The following IFT43 variants were observed in gnomAD, a reference collection of about 807,000 sequenced individuals.
IFT43 encodes the protein intraflagellar transport 43, also known as intraflagellar transport protein 43 homolog.
A neutral mutation model predicts 32.3 loss-of-function variants in IFT43; 33 were observed. The observed-to-expected ratio is 1.02, with a 90% confidence interval of 0.77 to 1.37. IFT43 has a LOEUF of 1.37. IFT43 is among the 40% of genes most tolerant of loss of function. The pLI, the probability that IFT43 is intolerant of heterozygous loss-of-function variation, is 0.00. For synonymous variants in IFT43, 93 were observed against 98.2 expected (o/e 0.95, Z 0.31); for missense variants, 274 against 265.9 (o/e 1.03, Z -0.21).
rs375656703 is a variant in IFT43 at position 76,069,742 on chromosome 14, G to A, written c.295+10369G>A. Among the ~76,000 whole-genome samples, 180 of 152,194 alleles carry A rather than the reference G, an allele frequency of 1.2e-3. 4 individuals carry two copies. In the South Asian group the frequency reaches 0.035, roughly 30 times the overall value. On this transcript the variant is annotated intron_variant, in intron 5 of 8. Transcript: ENST00000314067. Reference sequence around the variant, plus strand: ...AAAAGTAGAAAGTCTCTGAAAACAGGAGCCCAAAAAAAGGACTCAGTCTTG... The same window carrying A: ...AAAAGTAGAAAGTCTCTGAAAACAGAAGCCCAAAAAAAGGACTCAGTCTTG...
chr14:76,054,330 C>T (rs1217249334), intron 3 of IFT43, among the ~76,000 whole-genome samples: 8 of 152,150 alleles, frequency 5.3e-5, no homozygotes, highest in African/African-American at 1.4e-4. Context: ...AAGAAGGGAC[C>T]GTCTACACAG....
intron 2 of IFT43, among the ~76,000 whole-genome samples, chr14:75,996,348 G>C (rs575332298): frequency 2.6e-5 from 4 of 152,338 alleles, no homozygotes; most frequent in Admixed American, 6.5e-5. Flanking sequence ...CTGTTGAATG[G>C]AGATGATAGT....
chr14:76,044,801 A>T (rs1344684675), intron 3 of IFT43, among the ~76,000 whole-genome samples: 2 of 152,204 alleles, frequency 1.3e-5, no homozygotes, highest in African/African-American at 4.8e-5. Flanking sequence ...CACTTATAGG[A>T]GGATTTTCTT....
chr14:76,076,555 T>C, intron 5 of IFT43: 3 of 1,612,748 alleles, frequency 1.9e-6, no homozygotes, highest in Non-Finnish European at 2.5e-6. Context: ...GGTATACTCA[T>C]TGCAAGCTGA....
intron 3 of IFT43, among the ~76,000 whole-genome samples, chr14:76,045,921 G>A (rs1938400211): frequency 6.6e-6 from 1 of 152,214 alleles, no homozygotes; most frequent in South Asian, 2.1e-4. Context: ...ACGACTTTGG[G>A]TGGATGCCAA....
intron 2 of IFT43, among the ~76,000 whole-genome samples, chr14:75,999,243 ATATATATATATATATATATATAT>A (rs2035810468): frequency 4.0e-5 from 1 of 25,300 alleles, no homozygotes; most frequent in Non-Finnish European, 5.8e-5. Context: ...ATATATATAT[ATATATATATATATATATATATAT>A]ATATATGTAT....
At chr14:76,071,609 C>T (rs754192800) in intron 5 of IFT43, among the ~76,000 whole-genome samples, 3 of 152,164 alleles carry the variant, frequency 2.0e-5, no homozygotes, top group Non-Finnish European at 4.4e-5. Context: ...CACCATCACA[C>T]GGTCTTTACT....
intron 3 of IFT43, among the ~76,000 whole-genome samples, chr14:76,025,748 G>A (rs2036379934): frequency 6.6e-6 from 1 of 152,148 alleles, no homozygotes; most frequent in African/African-American, 2.4e-5. Context: ...CTAGTCATAA[G>A]CAGAAGATTG....
At chr14:76,074,882 C>T (rs1203573593) in intron 5 of IFT43, among the ~76,000 whole-genome samples, 3 of 152,218 alleles carry the variant, frequency 2.0e-5, no homozygotes, top group Non-Finnish European at 4.4e-5. Context: ...CCTCCCCAAC[C>T]CATTGTCAGC....
intron 4 of IFT43, 104 bp from the exon 5 acceptor site, chr14:76,059,223 C>T: frequency 6.2e-7 from 1 of 1,607,966 alleles, no homozygotes; most frequent in South Asian, 1.1e-5. Context: ...GGTTCAGGGA[C>T]ATTTTCATCT....
intron 2 of IFT43, among the ~76,000 whole-genome samples, chr14:76,021,744 G>T (rs1200097776): frequency 6.6e-6 from 1 of 152,134 alleles, no homozygotes; most frequent in Non-Finnish European, 1.5e-5. Context: ...GATTAGAATT[G>T]CTAGGTTAAA....
At chr14:76,047,252 C>T (rs923984161) in intron 3 of IFT43, among the ~76,000 whole-genome samples, 1 of 152,116 alleles carries the variant, frequency 6.6e-6, no homozygotes, top group Non-Finnish European at 1.5e-5. Context: ...TAAATTGGGG[C>T]CTGAGATTAG....
intron 1 of IFT43, 145 bp downstream of exon 1, chr14:75,985,985 C>A: frequency 1.3e-6 from 2 of 1,527,192 alleles, no homozygotes; most frequent in Non-Finnish European, 1.8e-6. Context: ...AGCCTCACCG[C>A]CCCGCCCCCA....
intron 3 of IFT43, among the ~76,000 whole-genome samples, chr14:76,056,885 C>T (rs977474601): frequency 6.6e-6 from 1 of 152,194 alleles, no homozygotes; most frequent in Non-Finnish European, 1.5e-5. Flanking sequence ...TTAGAATAGG[C>T]ATTGGAAGCC....
intron 3 of IFT43, among the ~76,000 whole-genome samples, chr14:76,053,480 A>G (rs1296779691): frequency 3.3e-5 from 5 of 152,098 alleles, no homozygotes; most frequent in African/African-American, 9.7e-5. Context: ...CAGCAAGACA[A>G]CCGCCTTCAC....
chr14:76,028,505 A>T (rs2036447666), intron 3 of IFT43, among the ~76,000 whole-genome samples: 1 of 152,060 alleles, frequency 6.6e-6, no homozygotes, highest in Admixed American at 6.6e-5. Context: ...ATATATGCGC[A>T]GGTTTGTTAC....
chr14:75,986,041 TA>T (rs1485248398), intron 1 of IFT43: 2 of 1,520,456 alleles, frequency 1.3e-6, no homozygotes, highest in African/African-American at 2.8e-5. Flanking sequence ...TTGCTTTCTT[TA>T]AAATCCTCAG....
rs2037427345 is a variant in IFT43 at position 76,077,171 on chromosome 14, T to G, written c.296-5124T>G. ...TGGACCAAGTTTGAATGACTCTTCC[T>G]CTGAAACTTTGTCTCCACACATCCC... On this transcript the variant is annotated intron_variant, in intron 5 of 8. Coordinates refer to ENST00000314067, the MANE Select transcript of IFT43 (RefSeq NM_001102564.3). Among the ~76,000 whole-genome samples, 5 of 152,146 alleles carry G rather than the reference T, an allele frequency of 3.3e-5. No individual in the cohort carries two copies. In the South Asian group the frequency reaches 1.0e-3, roughly 32 times the overall value.
At chr14:75,986,018 G>C in intron 1 of IFT43, 178 bp downstream of exon 1, 2 of 1,525,024 alleles carry the variant, frequency 1.3e-6, no homozygotes, top group South Asian at 2.4e-5. Flanking sequence ...CTCCGCCGCT[G>C]CTGGCCTGGG....
Sources: allele counts gnomAD v4.1 joint callset (sites outside exome capture counted in the v4.1 genomes callset), GRCh38; gene constraint gnomAD v4.1.1; transcripts MANE v1.5; gene names NCBI Gene and HGNC (gene_info 2026-07-23, HGNC 2026-07-21).